CFAP58: variants seen among roughly 807,000 people sequenced by gnomAD.
CFAP58 encodes cilia and flagella associated protein 58.
A neutral mutation model predicts 119.5 loss-of-function variants in CFAP58; 88 were observed. That is an observed-to-expected ratio of 0.74 (90% CI 0.62 to 0.88). The LOEUF is 0.88. CFAP58 is among the 40% of genes least tolerant of loss of function. The probability of loss-of-function intolerance (pLI) is 0.00; values close to 1 mark genes in which losing one functional copy is unlikely to be tolerated. For missense variants in CFAP58, 990 were observed against 1,021.2 expected (o/e 0.97, Z 0.42); for synonymous variants, 365 against 366.3 (o/e 1.00, Z 0.04).
chr10:104,445,075 C>A (rs757715606), intron 15 of CFAP58, among the ~76,000 whole-genome samples: 1 of 152,088 alleles, frequency 6.6e-6, no homozygotes, highest in South Asian at 2.1e-4. Context: ...GTAATCACAG[C>A]ACTTTGGGAG....
At chr10:104,427,294 A>AAC (rs1438383688) in intron 15 of CFAP58, among the ~76,000 whole-genome samples, 1 of 152,222 alleles carries the variant, frequency 6.6e-6, no homozygotes, top group Non-Finnish European at 1.5e-5. Flanking sequence ...AGTTTATAAA[A>AAC]CCAGTTCCAA....
At chr10:104,431,777 C>T (rs958462716) in intron 15 of CFAP58, among the ~76,000 whole-genome samples, 8 of 152,038 alleles carry the variant, frequency 5.3e-5, no homozygotes, top group Non-Finnish European at 1.2e-4. Context: ...CAAATAGATG[C>T]GTTTACAATG....
At chr10:104,444,798 C>T (rs908878936) in intron 15 of CFAP58, among the ~76,000 whole-genome samples, 1 of 152,166 alleles carries the variant, frequency 6.6e-6, no homozygotes, top group African/African-American at 2.4e-5. Context: ...TTCATGTATT[C>T]CACTATCTTA....
At chr10:104,363,551 G>A (rs1417741948) in intron 3 of CFAP58, among the ~76,000 whole-genome samples, 1 of 152,184 alleles carries the variant, frequency 6.6e-6, no homozygotes, top group East Asian at 1.9e-4. Flanking sequence ...TACTGAAGAG[G>A]AATGCGAGGG....
Position 104,400,688 on chromosome 10 carries a change from TGA to T in CFAP58, c.1831_1832del (p.Asp611TyrfsTer11). The T allele has an allele frequency of 1.2e-6, 2 of 1,613,534 alleles. No individual in the cohort carries two copies. The highest frequency in any genetic ancestry group is 8.5e-7 in the Non-Finnish European group (1 of 1,179,850). On this transcript the variant is annotated frameshift_variant, in exon 13 of 18. Transcript: ENST00000369704. LOFTEE classifies it high-confidence loss of function. The part of the protein sequence containing the change: ...QKKELDQVIS[E>X]RDILGSQLVR... Reference sequence around the variant, plus strand: ...CCTCCCTACCTTCCTAGGTCATCAGTGAGAGAGATATCCTGGGGTCTCAGCTT... The same window carrying T: ...CCTCCCTACCTTCCTAGGTCATCAGTGAGAGATATCCTGGGGTCTCAGCTT...
At chr10:104,381,857 G>T (rs1028090088) in intron 9 of CFAP58, among the ~76,000 whole-genome samples, 1 of 152,156 alleles carries the variant, frequency 6.6e-6, no homozygotes, top group Non-Finnish European at 1.5e-5. Context: ...CCCTAATTGG[G>T]AGCCATTGGA....
intron 15 of CFAP58, among the ~76,000 whole-genome samples, chr10:104,434,613 A>T (rs934075128): frequency 2.0e-5 from 3 of 152,246 alleles, no homozygotes; most frequent in African/African-American, 7.2e-5. Flanking sequence ...CTAGAGAGAG[A>T]GAGTCAGGGC....
chr10:104,413,152 G>A (rs2012487358), intron 15 of CFAP58, among the ~76,000 whole-genome samples: 1 of 152,164 alleles, frequency 6.6e-6, no homozygotes, highest in Admixed American at 6.5e-5. Flanking sequence ...AAGATTTGTG[G>A]TCCTTCAGAA....
intron 10 of CFAP58, 133 bp from the exon 11 acceptor site, chr10:104,393,196 G>T: frequency 1.2e-6 from 1 of 804,030 alleles, no homozygotes. Flanking sequence ...CAAAGGAATA[G>T]TCTAGTTGTA....
intron 9 of CFAP58, among the ~76,000 whole-genome samples, chr10:104,386,090 T>C (rs1362373020): frequency 1.4e-5 from 2 of 146,932 alleles, no homozygotes; most frequent in Non-Finnish European, 3.0e-5. Flanking sequence ...TATTCTAAAA[T>C]GGATGGGCTG....
intron 15 of CFAP58, among the ~76,000 whole-genome samples, chr10:104,414,050 T>C (rs1425938970): frequency 1.3e-5 from 2 of 152,102 alleles, no homozygotes; most frequent in African/African-American, 2.4e-5. Context: ...GGTAGGCGCC[T>C]CATAGTCAGA....
intron 3 of CFAP58, among the ~76,000 whole-genome samples, chr10:104,362,572 C>T (rs2014684623): frequency 6.6e-6 from 1 of 152,130 alleles, no homozygotes; most frequent in Non-Finnish European, 1.5e-5. Flanking sequence ...AACAGTGCTG[C>T]TCTTCCCTCC....
chr10:104,364,427 A>AACACAC lies in CFAP58; in HGVS notation c.441-267_441-262dup, dbSNP rs66757511. Among the ~76,000 whole-genome samples the AACACAC allele has an allele frequency of 7.0e-3, 989 of 142,218 alleles. 4 individuals are homozygous for AACACAC. Among genetic ancestry groups the AACACAC allele is most frequent in the Middle Eastern group, 0.018 (5 of 284 alleles). 93.3% of individuals were successfully genotyped at this position (142,218 alleles called of 152,430 possible). A position where few individuals can be genotyped will look rare whatever the true frequency, so the allele number is the denominator to read the frequency against. ...CTGGGCTCTGTAAAAATGTCTGTAA[A>AACACAC]ACACACACACACACACACACACACA... On this transcript the variant is annotated intron_variant, in intron 3 of 17. Coordinates refer to ENST00000369704, the MANE Select transcript of CFAP58 (RefSeq NM_001008723.2).
chr10:104,368,373 T>G (rs758707057), intron 5 of CFAP58, 50 bp from the exon 6 acceptor site: 1 of 1,591,854 alleles, frequency 6.3e-7, no homozygotes, highest in Admixed American at 1.7e-5. Flanking sequence ...TATATCCAAC[T>G]ATTGTAATCA....
At chr10:104,425,554 A>G (rs1195263343) in intron 15 of CFAP58, among the ~76,000 whole-genome samples, 3 of 152,166 alleles carry the variant, frequency 2.0e-5, no homozygotes, top group African/African-American at 7.2e-5. Flanking sequence ...CCAATCCTTT[A>G]TGTTATGTAT....
rs2014818460 is a variant in CFAP58, at chr10:104,371,169, A to G, written c.1090+115A>G. 3 of 1,001,980 alleles carry G rather than the reference A, an allele frequency of 3.0e-6. No individual in the cohort carries two copies. In the Admixed American group the frequency reaches 8.5e-5, roughly 28 times the overall value. The allele number at this position is 1,001,980 out of a possible 1,614,324, so 62.1% of individuals were successfully genotyped here. On this transcript the variant is annotated intron_variant, in intron 7 of 17. Transcript: ENST00000369704. ...AACCTATGCCAAATGAAATCAGTAA[A>G]ACAACACTCACACTGGTAAACAGTC...
chr10:104,428,993 G>C (rs2012798910), intron 15 of CFAP58, among the ~76,000 whole-genome samples: 1 of 152,214 alleles, frequency 6.6e-6, no homozygotes, highest in African/African-American at 2.4e-5. Flanking sequence ...GAATTGCTGA[G>C]CAGAGAAAAG....
At position 104,358,558 on chromosome 10, in the gene CFAP58, C is replaced by T. The variant is rs753501281; in HGVS notation, c.227C>T (p.Ala76Val). Residue 76 changes from alanine to valine, a missense_variant, in exon 2 of 18, where the codon GCG (alanine) becomes GTG (valine). Coordinates refer to ENST00000369704, the MANE Select transcript of CFAP58 (RefSeq NM_001008723.2). ...ELNAEIVVNS[A>V]KVATALKLSQ... ...AATGCAGAGATTGTAGTGAATTCTG[C>T]GAAGGTCGCCACTGCCCTTAAGCTC... is the stretch of plus-strand genomic sequence containing the variant. 36 of 1,613,980 alleles carry T rather than the reference C, an allele frequency of 2.2e-5. No individual in the cohort carries two copies. The highest frequency in any genetic ancestry group is 3.3e-5 in the Admixed American group (2 of 59,984).
the CFAP58 span, among the ~76,000 whole-genome samples, chr10:104,347,146 T>C: frequency 6.6e-6 from 1 of 152,022 alleles, no homozygotes; most frequent in African/African-American, 2.4e-5. Context: ...GTAAGACGAC[T>C]GGGTAGTTAT....
Sources: allele counts gnomAD v4.1 joint callset (sites outside exome capture counted in the v4.1 genomes callset), GRCh38; gene constraint gnomAD v4.1.1; transcripts MANE v1.5; gene names NCBI Gene and HGNC (gene_info 2026-07-23, HGNC 2026-07-21).